TRAK1: variants seen among roughly 807,000 people sequenced by gnomAD.
TRAK1 encodes the protein trafficking kinesin protein 1, also known as trafficking kinesin-binding protein 1.
In TRAK1, 33 loss-of-function variants were observed where a neutral mutation model predicts 92.1. The ratio of observed to expected loss-of-function variants is 0.36; its 90% CI spans 0.27 to 0.48. The LOEUF (loss-of-function observed/expected upper bound fraction) is 0.48. Ranked by LOEUF, TRAK1 falls within the 20% of genes least tolerant of loss-of-function variation. The pLI is 0.99. For synonymous variants in TRAK1, 521 were observed against 517.3 expected, an observed-to-expected ratio of 1.01 and a Z score of -0.10; for missense variants, 1,123 against 1,257.9, an observed-to-expected ratio of 0.89 and a Z score of 1.62.
intron 1 of TRAK1, among the ~76,000 whole-genome samples, chr3:42,077,637 A>G (rs918672737): frequency 2.0e-5 from 3 of 152,172 alleles, no homozygotes; most frequent in Admixed American, 2.0e-4. Flanking sequence ...GCAATGTTTC[A>G]TAATTCTCAT....
At chr3:42,175,611 T>C (rs1703112733) in intron 2 of TRAK1, among the ~76,000 whole-genome samples, 3 of 152,172 alleles carry the variant, frequency 2.0e-5, no homozygotes. Context: ...CCTCCCTAAG[T>C]TAGAAAATCA....
rs373750952 is a variant in TRAK1, at chr3:42,115,343, C to T, written c.92-10077C>T. ...TTTCCTTTGCCCTGCCCTTCTTGTC[C>T]TTTCTTGTTGAGCAACAAACTGGCA... On this transcript the variant is annotated intron_variant, in intron 1 of 15. Coordinates refer to ENST00000327628, the MANE Select transcript of TRAK1 (RefSeq NM_001042646.3). 1.1e-4 allele frequency among the ~76,000 whole-genome samples: 17 copies of T among 152,170 alleles called. No homozygotes were observed. The East Asian group carries it at 3.3e-3, about 29-fold the overall frequency.
intron 1 of TRAK1, among the ~76,000 whole-genome samples, chr3:42,092,741 A>ATGT (rs1705284732): frequency 6.8e-6 from 1 of 147,094 alleles, no homozygotes; most frequent in Non-Finnish European, 1.5e-5. Flanking sequence ...ATGTTATGTT[A>ATGT]TGTTATGTTA....
upstream of TRAK1, among the ~76,000 whole-genome samples, chr3:42,090,475 C>G (rs1704957855): frequency 6.6e-6 from 1 of 152,158 alleles, no homozygotes; most frequent in African/African-American, 2.4e-5. Context: ...CACCTGAGGT[C>G]AGGAGTTCAA....
chr3:42,121,345 C>T (rs761678717), intron 1 of TRAK1, among the ~76,000 whole-genome samples: 23 of 151,312 alleles, frequency 1.5e-4, no homozygotes, highest in Middle Eastern at 3.4e-3. Context: ...CTGCAAGCTC[C>T]GCCTCCGGGG....
chr3:42,136,642 TAAA>T (rs1553729333), intron 2 of TRAK1, among the ~76,000 whole-genome samples: 11,412 of 148,922 alleles, frequency 0.077, 464 homozygotes, highest in Middle Eastern at 0.15. Context: ...GAAAAATAAA[TAAA>T]AAATAAATAA....
At chr3:42,048,390 G>A (rs980290664) in intron 1 of TRAK1, among the ~76,000 whole-genome samples, 8 of 152,138 alleles carry the variant, frequency 5.3e-5, no homozygotes, top group Non-Finnish European at 1.0e-4. Context: ...CTAATTCCAT[G>A]TATGTGGTTT....
chr3:42,130,449 G>A (rs963800540), intron 2 of TRAK1, among the ~76,000 whole-genome samples: 5 of 152,076 alleles, frequency 3.3e-5, no homozygotes, highest in African/African-American at 9.7e-5. Flanking sequence ...TTGTTCCATC[G>A]TTTGCTTTTA....
At chr3:42,145,195 G>T (rs1030806781) in intron 2 of TRAK1, among the ~76,000 whole-genome samples, 3 of 152,142 alleles carry the variant, frequency 2.0e-5, no homozygotes, top group Non-Finnish European at 2.9e-5. Flanking sequence ...TTAAGAATGG[G>T]CAAAGGGAGC....
intron 2 of TRAK1, among the ~76,000 whole-genome samples, chr3:42,142,283 C>T (rs1258186763): frequency 2.0e-5 from 3 of 152,194 alleles, no homozygotes; most frequent in African/African-American, 4.8e-5. Context: ...TTATCTTTGG[C>T]GACTTGTGGT....
intron 13 of TRAK1, among the ~76,000 whole-genome samples, chr3:42,205,799 G>A (rs139019492): frequency 6.6e-6 from 1 of 152,360 alleles, no homozygotes; most frequent in African/African-American, 2.4e-5. Flanking sequence ...TGTTTTAGCT[G>A]GAACACTGGG....
chr3:42,030,690 ATATATATATAT>A (rs1702102209), intron 1 of TRAK1, among the ~76,000 whole-genome samples: 1 of 166 alleles, frequency 6.0e-3, no homozygotes, highest in African/African-American at 8.9e-3. Context: ...AAAAAAAAGA[ATATATATATAT>A]ATATATATAT....
At chr3:42,085,170 AT>A (rs11446214), upstream of TRAK1, among the ~76,000 whole-genome samples, 42 of 150,768 alleles carry the variant, frequency 2.8e-4, no homozygotes, top group Admixed American at 9.3e-4. Context: ...AAAAAAAATC[AT>A]TTTTTTTTCT....
At chr3:42,170,236 A>G (rs1032901239) in intron 2 of TRAK1, among the ~76,000 whole-genome samples, 4 of 152,222 alleles carry the variant, frequency 2.6e-5, no homozygotes, top group Non-Finnish European at 4.4e-5. Flanking sequence ...GCTTTTAACA[A>G]ACCTTTAAAG....
chr3:42,106,351 C>CA lies in TRAK1; in HGVS notation c.91+14800dup, dbSNP rs1032593808. ...TCTACCAAGCAAATGGAAAACAAAA[C>CA]AAAAAAAAAGCAGGGGTTGCAATCC... On this transcript the variant is annotated intron_variant, in intron 1 of 15. Coordinates refer to ENST00000327628, the MANE Select transcript of TRAK1 (RefSeq NM_001042646.3). Among the ~76,000 whole-genome samples, 26 of 149,082 alleles carry CA rather than the reference C, an allele frequency of 1.7e-4. No individual in the cohort carries two copies. The East Asian group carries it at 2.4e-3, about 14-fold the overall frequency.
chr3:42,072,569 T>TTTTC (rs542400640), intron 1 of TRAK1, among the ~76,000 whole-genome samples: 2 of 146,784 alleles, frequency 1.4e-5, no homozygotes, highest in African/African-American at 5.0e-5. Context: ...TTTTTTTCTT[T>TTTTC]CTCTTTTTCT....
chr3:42,211,076 C>T, intron 14 of TRAK1: 1 of 985,414 alleles, frequency 1.0e-6, no homozygotes, highest in Non-Finnish European at 1.2e-6. Context: ...AATGAATTAA[C>T]CCTGTGTTGT....
intron 1 of TRAK1, among the ~76,000 whole-genome samples, chr3:42,058,680 T>C (rs956660350): frequency 2.6e-5 from 4 of 152,336 alleles, no homozygotes; most frequent in South Asian, 2.1e-4. Flanking sequence ...TCCTACCTCC[T>C]GGCTGATGCA....
At chr3:42,138,693 C>G (rs1035135028) in intron 2 of TRAK1, among the ~76,000 whole-genome samples, 4 of 149,062 alleles carry the variant, frequency 2.7e-5, no homozygotes, top group Admixed American at 6.7e-5. Context: ...TCGAGACCAG[C>G]CTGGGGAACA....
Sources: gnomAD v4.1 joint callset for allele counts (sites outside exome capture counted in the v4.1 genomes callset) on GRCh38, gnomAD v4.1.1 for gene constraint, MANE v1.5 for transcripts, NCBI Gene and HGNC (gene_info 2026-07-23, HGNC 2026-07-21) for gene names.